FAM83E: variants seen among roughly 807,000 people sequenced by gnomAD.
FAM83E encodes the protein protein FAM83E.
A neutral mutation model predicts 34.3 loss-of-function variants in FAM83E; 29 were observed. The observed-to-expected ratio is 0.85, with a 90% CI of 0.63 to 1.15. The LOEUF (loss-of-function observed/expected upper bound fraction) is 1.15, where lower values mean the gene tolerates loss of function less well. FAM83E is among the 50% of genes most tolerant of loss of function. The pLI is 0.00. For synonymous variants in FAM83E, 312 were observed against 311.6 expected (o/e 1.00, Z -0.01); for missense variants, 697 against 685.0 (o/e 1.02, Z -0.20).
chr19:48,613,652 C>T lies in FAM83E; in HGVS notation c.-280G>A, dbSNP rs1170922786. On this transcript the variant is annotated 5_prime_UTR_variant, in exon 3 of 7. Transcript: ENST00000263266. ...ACCCAGTGGCACCATGCCTGGCTGG[C>T]CTTCCGTGACCTTCCTGCCAGCCGT... The T allele has an allele frequency of 4.6e-6, 6 of 1,294,504 alleles. No homozygotes were observed. The highest frequency in any genetic ancestry group is 5.9e-6 in the Non-Finnish European group (6 of 1,019,076). The allele number at this position is 1,294,504 out of a possible 1,614,324, so 80.2% of individuals were successfully genotyped here.
intron 5 of FAM83E, among the ~76,000 whole-genome samples, chr19:48,604,300 G>A (rs1009207779): frequency 9.2e-5 from 14 of 151,460 alleles, no homozygotes; most frequent in East Asian, 1.9e-4. Flanking sequence ...AGACTGAGGC[G>A]GGAGGATCCC....
chr19:48,613,399 C>CTG lies in FAM83E; in HGVS notation c.-29_-28dup, dbSNP rs772737443. 3 of 1,495,746 alleles carry CTG rather than the reference C, an allele frequency of 2.0e-6. No individual in the cohort carries two copies. Among genetic ancestry groups the CTG allele is most frequent in the African/African-American group, 1.4e-5 (1 of 72,170 alleles). 92.7% of individuals were successfully genotyped at this position (1,495,746 alleles called of 1,614,324 possible). The stretch of plus-strand genomic sequence containing the variant: ...GGGGTCACTCGGGTGGGAGGACTGA[C>CTG]TGTGAGAGGCTGGGTCCCCGGGGGT... On this transcript the variant is annotated 5_prime_UTR_variant, in exon 3 of 7. Coordinates refer to ENST00000263266, the MANE Select transcript of FAM83E (RefSeq NM_017708.4).
In FAM83E at chr19:48,601,063, G is replaced by A. The variant is rs200607434; in HGVS notation, c.*46C>T. ...GAGGGCTCTGAGCCGACAGTTGTCCGGCACTGCTCCTTGGGTGGGCCAGCA... is the reference window on the plus strand; with the variant it reads ...GAGGGCTCTGAGCCGACAGTTGTCCAGCACTGCTCCTTGGGTGGGCCAGCA... On this transcript the variant is annotated 3_prime_UTR_variant, in exon 7 of 7. Coordinates refer to ENST00000263266, the MANE Select transcript of FAM83E (RefSeq NM_017708.4). The A allele has an allele frequency of 1.2e-3, 1,908 of 1,568,050 alleles. 30 individuals are homozygous for A. In the South Asian group the frequency reaches 0.019, roughly 15 times the overall value.
chr19:48,606,842 G>A (rs1973938049), intron 5 of FAM83E: 7 of 1,101,150 alleles, frequency 6.4e-6, no homozygotes, highest in East Asian at 2.6e-5. Context: ...CACTCCAGGC[G>A]CTGACCCTGG....
rs1477626264 is a variant in FAM83E at position 48,612,987 on chromosome 19, T to G, written c.386A>C (p.Gln129Pro). The G allele has an allele frequency of 1.2e-6, 2 of 1,603,574 alleles. No homozygotes were observed. The highest frequency in any genetic ancestry group is 1.7e-6 in the Non-Finnish European group (2 of 1,176,224). Reference sequence around the variant, plus strand: ...CTCTCCAGGAGGCTGGGTGTACAGCTGCGCCCGGGTGATGCCTTTCCACGC... The same window carrying G: ...CTCTCCAGGAGGCTGGGTGTACAGCGGCGCCCGGGTGATGCCTTTCCACGC... Reference protein sequence around the residue: ...DSAWKGITRAQLYTQPPGEGQ... With the variant: ...DSAWKGITRAPLYTQPPGEGQ... Residue 129 changes from glutamine (Q) to proline (P), a missense_variant, in exon 3 of 7, where the codon CAG becomes CCG. Physicochemically the swap from Gln to Pro is moderately conservative, Grantham distance 76. Transcript: ENST00000263266.
chr19:48,614,359 G>A lies in FAM83E; in HGVS notation c.-987C>T. ...GGCCTGGCCCTGGGACCTGTTCCAG[G>A]CCGTCCTCTGATCTGCGGGGAGCCC... On this transcript the variant is annotated 5_prime_UTR_variant, in exon 3 of 7. Transcript: ENST00000263266. 1.0e-6 allele frequency: 1 copy of A among 985,394 alleles called. No individual in the cohort carries two copies. The allele number at this position is 985,394 out of a possible 1,614,324, so 61.0% of individuals were successfully genotyped here. A position where few individuals can be genotyped will look rare whatever the true frequency, so the allele number is the denominator to read the frequency against.
In FAM83E at chr19:48,601,283, C is replaced by T. The variant is rs931581978; in HGVS notation, c.1263G>A (p.Val421=). 3 of 1,582,610 alleles carry T rather than the reference C, an allele frequency of 1.9e-6. No homozygotes were observed. In the African/African-American group the frequency reaches 4.0e-5, roughly 21 times the overall value. The change falls in exon 7 of 7, where the codon GTG becomes GTA. Residue 421 remains valine (V), a synonymous_variant. Coordinates refer to ENST00000263266, the MANE Select transcript of FAM83E (RefSeq NM_017708.4). Reference sequence around the variant, plus strand: ...CACCGCCCCACGGAGGTCGGGAGTCCACTTCCCCCCAGGGGCCTCCTCCAG... The same window carrying T: ...CACCGCCCCACGGAGGTCGGGAGTCTACTTCCCCCCAGGGGCCTCCTCCAG... ...RGTGGGPWGE[V]DSRPPWGGAL... is the part of the protein sequence containing the mutation.
chr19:48,606,078 A>C (rs916174904), intron 5 of FAM83E, among the ~76,000 whole-genome samples: 1 of 151,774 alleles, frequency 6.6e-6, no homozygotes, highest in African/African-American at 2.4e-5. Flanking sequence ...TGGGAGGTCG[A>C]GGCGGGCAGA....
rs899704080 is a variant in FAM83E, at chr19:48,614,108, C to T, written c.-736G>A. The T allele has an allele frequency of 3.7e-5, 36 of 985,616 alleles. No individual in the cohort carries two copies. Among genetic ancestry groups the T allele is most frequent in the Middle Eastern group, 5.2e-4 (1 of 1,940 alleles). The allele number at this position is 985,616 out of a possible 1,614,324, so 61.1% of individuals were successfully genotyped here. On this transcript the variant is annotated 5_prime_UTR_variant, in exon 3 of 7. Transcript: ENST00000263266. The stretch of plus-strand genomic sequence containing the variant: ...AGGATGCCTCTCCACTGGGCCTGCT[C>T]GCTCAGCCTTAAAGGCCGAAGGCTT...
In FAM83E at chr19:48,614,715, G is replaced by A. The variant is rs1298355401; in HGVS notation, c.-1263C>T. 3.4e-5 allele frequency: 30 copies of A among 879,550 alleles called. No homozygotes were observed. The highest frequency in any genetic ancestry group is 2.9e-4 in the East Asian group (2 of 6,918). 54.5% of individuals were successfully genotyped at this position (879,550 alleles called of 1,614,324 possible). A position where few individuals can be genotyped will look rare whatever the true frequency, so the allele number is the denominator to read the frequency against. On this transcript the variant is annotated 5_prime_UTR_variant, in exon 2 of 7. Transcript: ENST00000263266. ...CCCATCGCCGGGGCTCACCCACACC[G>A]GCTAGTGCCGGGCTCAATGGCCTCC...
intron 5 of FAM83E, among the ~76,000 whole-genome samples, chr19:48,606,327 A>G (rs1973928526): frequency 1.3e-5 from 2 of 152,136 alleles, no homozygotes; most frequent in Admixed American, 1.3e-4. Context: ...AAATAAAAGC[A>G]AGCAAGCACT....
At chr19:48,608,588 A>T (rs1286278719) in intron 5 of FAM83E, among the ~76,000 whole-genome samples, 1 of 148,716 alleles carries the variant, frequency 6.7e-6, no homozygotes. Context: ...GGGACTAGAG[A>T]TGCATTCCAC....
Position 48,614,368 on chromosome 19 carries a change from T to C in FAM83E, c.-996A>G, listed in dbSNP as rs1194301036. 26 of 985,370 alleles carry C rather than the reference T, an allele frequency of 2.6e-5. No individual in the cohort carries two copies. Among genetic ancestry groups the C allele is most frequent in the Non-Finnish European group, 2.9e-5 (24 of 829,940 alleles). 61.0% of individuals were successfully genotyped at this position (985,370 alleles called of 1,614,324 possible). The stretch of plus-strand genomic sequence containing the variant: ...CTGGGACCTGTTCCAGGCCGTCCTC[T>C]GATCTGCGGGGAGCCCTACCCAAGC... On this transcript the variant is annotated 5_prime_UTR_variant, in exon 3 of 7. Transcript: ENST00000263266.
At position 48,600,341 on chromosome 19, in the gene FAM83E, CT is replaced by C. The variant is rs1332109969; in HGVS notation, c.*767del. ...TGCAGGCAATGGGCTTGCCCAAGTC[CT>C]TTTTTTTGTTTGAGATGAAATCTCG... On this transcript the variant is annotated 3_prime_UTR_variant, in exon 7 of 7. Transcript: ENST00000263266. Among the ~76,000 whole-genome samples, 6 of 152,040 alleles carry C rather than the reference CT, an allele frequency of 3.9e-5. No individual in the cohort carries two copies. The highest frequency in any genetic ancestry group is 1.4e-4 in the African/African-American group (6 of 41,386).
rs2147650364 is a variant in FAM83E at position 48,613,293 on chromosome 19, T to C, written c.80A>G (p.Tyr27Cys). 1 of 1,607,994 alleles carries C rather than the reference T, an allele frequency of 6.2e-7. No homozygotes were observed. Among genetic ancestry groups the C allele is most frequent in the East Asian group, 2.2e-5 (1 of 44,790 alleles). ...RVPGASPGFL[Y>C]SEGQRLALEA... ...CAGTGCCAGCCGCTGGCCCTCGGAA[T>C]ATAGAAAGCCGGGGCTGGCCCCGGG... is the stretch of plus-strand genomic sequence containing the variant. The change falls in exon 3 of 7, where the codon TAT becomes TGT. Residue 27 changes from tyrosine (Y) to cysteine (C), a missense_variant. Coordinates refer to ENST00000263266, the MANE Select transcript of FAM83E (RefSeq NM_017708.4).
At chr19:48,612,809 T>C in intron 3 of FAM83E, 99 bp downstream of exon 3, 4 of 1,348,954 alleles carry the variant, frequency 3.0e-6, no homozygotes, top group Non-Finnish European at 4.0e-6. Flanking sequence ...TCCTTTAGGG[T>C]AGGGGTGTGC....
chr19:48,607,088 C>G (rs1973944999), intron 5 of FAM83E: 1 of 1,613,278 alleles, frequency 6.2e-7, no homozygotes, highest in East Asian at 2.2e-5. Flanking sequence ...TGTCCTGGTA[C>G]CTACATGCAC....
Position 48,614,761 on chromosome 19 carries a change from C to G in FAM83E, c.-1309G>C. 1.0e-6 allele frequency: 1 copy of G among 985,542 alleles called. No homozygotes were observed. Among genetic ancestry groups the G allele is most frequent in the South Asian group, 4.7e-5 (1 of 21,304 alleles). 61.0% of individuals were successfully genotyped at this position (985,542 alleles called of 1,614,324 possible). A position where few individuals can be genotyped will look rare whatever the true frequency, so the allele number is the denominator to read the frequency against. On this transcript the variant is annotated 5_prime_UTR_variant, in exon 2 of 7. Transcript: ENST00000263266. ...CCTCCCTTCCAGTGCCTGCTTTTTC[C>G]GAGAACGTAGGCTGTGGCTCCCCGG...
intron 5 of FAM83E, 142 bp from the exon 6 acceptor site, chr19:48,604,053 T>C (rs1384538942): frequency 3.8e-6 from 3 of 780,788 alleles, no homozygotes; most frequent in Non-Finnish European, 5.9e-6. Flanking sequence ...GTCTGTAGAA[T>C]GGGCACAACT....
Sources: allele counts gnomAD v4.1 joint callset (sites outside exome capture counted in the v4.1 genomes callset), GRCh38; gene constraint gnomAD v4.1.1; transcripts MANE v1.5; gene names NCBI Gene and HGNC (gene_info 2026-07-23, HGNC 2026-07-21).